Variants in ZNG1A observed in about 807,000 individuals in gnomAD.
The protein encoded by ZNG1A is Zn regulated GTPase metalloprotein activator 1A, also known as zinc-regulated GTPase metalloprotein activator 1A.
the ZNG1A span, among the ~76,000 whole-genome samples, chr9:137,604 T>A: frequency 6.6e-6 from 1 of 151,346 alleles, no homozygotes; most frequent in African/African-American, 2.4e-5. Context: ...AAAAGGATCA[T>A]CGAGAGAAAA....
chr9:177,185 G>A, the ZNG1A span, among the ~76,000 whole-genome samples: 1 of 152,170 alleles, frequency 6.6e-6, no homozygotes, highest in African/African-American at 2.4e-5. Context: ...TTGGCAGGCT[G>A]GAAAGGTTGG....
chr9:175,937 C>G, the ZNG1A span, among the ~76,000 whole-genome samples: 5 of 150,186 alleles, frequency 3.3e-5, no homozygotes. Context: ...ATTAAAGCAT[C>G]CTTCGAAACC....
At chr9:174,245 T>C in the ZNG1A span, among the ~76,000 whole-genome samples, 2 of 152,032 alleles carry the variant, frequency 1.3e-5, no homozygotes, top group African/African-American at 4.8e-5. Context: ...GCTTGTTATC[T>C]ATAAGAATTA....
the ZNG1A span, among the ~76,000 whole-genome samples, chr9:169,854 C>CTTTT: frequency 0.012 from 644 of 53,952 alleles, no homozygotes; most frequent in East Asian, 0.041. Flanking sequence ...ATAAACACAG[C>CTTTT]TTTTTTTTTT....
the ZNG1A span, among the ~76,000 whole-genome samples, chr9:173,864 T>C: frequency 6.6e-6 from 1 of 152,182 alleles, no homozygotes; most frequent in Non-Finnish European, 1.5e-5. Context: ...AGGAAGGTTT[T>C]TGGCCAGTGT....
the ZNG1A span, among the ~76,000 whole-genome samples, chr9:162,706 A>G: frequency 3.3e-5 from 5 of 150,994 alleles, no homozygotes; most frequent in African/African-American, 1.2e-4. Context: ...ACGATATAAA[A>G]CAAATAAAAA....
chr9:128,111 G>A, the ZNG1A span, among the ~76,000 whole-genome samples: 118 of 152,110 alleles, frequency 7.8e-4, 1 homozygote, highest in Admixed American at 1.3e-3. Context: ...TTGTTTCACA[G>A]CTCTTTCTTT....
At chr9:142,106 C>A in the ZNG1A span, among the ~76,000 whole-genome samples, 4 of 146,646 alleles carry the variant, frequency 2.7e-5, no homozygotes, top group Non-Finnish European at 5.9e-5. Flanking sequence ...GACTTTAACA[C>A]CCCACTGTCA....
At chr9:174,357 C>CACTT in the ZNG1A span, among the ~76,000 whole-genome samples, 1 of 152,092 alleles carries the variant, frequency 6.6e-6, no homozygotes, top group Non-Finnish European at 1.5e-5. Context: ...AGTAGTTTTA[C>CACTT]ACTTACATAT....
chr9:147,468 C>A, the ZNG1A span: 1 of 118,906 alleles, frequency 8.4e-6, no homozygotes, highest in Non-Finnish European at 1.6e-5. Flanking sequence ...TACTCGTACT[C>A]GTGGCAACAA....
the ZNG1A span, chr9:156,637 A>G: frequency 8.0e-7 from 1 of 1,245,958 alleles, no homozygotes. Context: ...AAAAACTTCA[A>G]CATGTTCTCT....
At chr9:158,804 G>A in the ZNG1A span, among the ~76,000 whole-genome samples, 3 of 151,732 alleles carry the variant, frequency 2.0e-5, no homozygotes, top group African/African-American at 7.3e-5. Context: ...AGAGATAAAT[G>A]TCCTCTTCTA....
At chr9:151,356 G>A in the ZNG1A span, 38 of 980,514 alleles carry the variant, frequency 3.9e-5, no homozygotes, top group Non-Finnish European at 4.6e-5. Context: ...TAGAGACTGA[G>A]TGGAACTAGA....
chr9:125,029 T>C, the ZNG1A span, among the ~76,000 whole-genome samples: 1 of 152,230 alleles, frequency 6.6e-6, no homozygotes, highest in African/African-American at 2.4e-5. Flanking sequence ...CGTGTGCACG[T>C]ATCTTTTTCG....
At chr9:146,077 AGTAAC>A in the ZNG1A span, 2 of 1,503,352 alleles carry the variant, frequency 1.3e-6, no homozygotes, top group South Asian at 2.5e-5. Flanking sequence ...TAACAATAAA[AGTAAC>A]CAAATTATAC....
At chr9:174,330 G>A in the ZNG1A span, among the ~76,000 whole-genome samples, 1 of 152,026 alleles carries the variant, frequency 6.6e-6, no homozygotes, top group South Asian at 2.1e-4. Context: ...CTAAGCAAAT[G>A]AGCTCCCATA....
the ZNG1A span, chr9:150,095 A>G: frequency 8.8e-6 from 1 of 113,688 alleles, no homozygotes; most frequent in Non-Finnish European, 1.9e-5. Flanking sequence ...GACTTTGACT[A>G]TTTTGTTAAC....
the ZNG1A span, among the ~76,000 whole-genome samples, chr9:145,730 GAAAAAAT>G: frequency 9.6e-3 from 1,448 of 150,934 alleles, 14 homozygotes; most frequent in African/African-American, 0.032. Context: ...AAAAACTCAA[GAAAAAAT>G]AAAAAATAAA....
chr9:135,110 A>C, the ZNG1A span: 1 of 1,240,352 alleles, frequency 8.1e-7, no homozygotes, highest in African/African-American at 1.6e-5. Context: ...CACAAGGATA[A>C]TGAAGTGACT....
Sources: allele counts gnomAD v4.1 joint callset (sites outside exome capture counted in the v4.1 genomes callset), GRCh38; gene constraint gnomAD v4.1.1; transcripts MANE v1.5; gene names NCBI Gene and HGNC (gene_info 2026-07-23, HGNC 2026-07-21).